Variants in PRKCE observed in about 807,000 individuals in gnomAD.
The protein encoded by PRKCE is protein kinase C epsilon.
Under a neutral mutation model 85.4 loss-of-function variants are expected in PRKCE, and 16 were observed. That is an observed-to-expected ratio of 0.19 (90% CI 0.13 to 0.28). PRKCE has a LOEUF of 0.28. PRKCE is among the 10% of genes least tolerant of loss of function. The pLI is 1.00. For synonymous variants in PRKCE, 388 were observed against 371.5 expected, an observed-to-expected ratio of 1.04 and a Z score of -0.51; for missense variants, 573 against 975.2, an observed-to-expected ratio of 0.59 and a Z score of 5.49.
At chr2:46,028,471 C>A (rs1448334143) in intron 10 of PRKCE, among the ~76,000 whole-genome samples, 5 of 152,138 alleles carry the variant, frequency 3.3e-5, no homozygotes, top group Non-Finnish European at 5.9e-5. Context: ...ATAAATTGAA[C>A]CTTTTAAACT....
At chr2:45,902,493 G>C (rs1375828449) in intron 2 of PRKCE, among the ~76,000 whole-genome samples, 2 of 152,146 alleles carry the variant, frequency 1.3e-5, no homozygotes, top group Non-Finnish European at 2.9e-5. Context: ...ACTAGCAAAA[G>C]TCAAATCAGG....
chr2:45,971,697 AAAG>A (rs1702119983), intron 2 of PRKCE, among the ~76,000 whole-genome samples: 1 of 152,392 alleles, frequency 6.6e-6, no homozygotes, highest in Admixed American at 6.5e-5. Context: ...TAGAAAATAC[AAAG>A]AAGCACAAGG....
In PRKCE at chr2:45,818,730, G is replaced by C. The variant is rs536979156; in HGVS notation, c.349-24270G>C. ...ACAGCAGTTTTAACACGAGGAGGTG[G>C]AGACCTGTTTTTGATCATTTTAATA... On this transcript the variant is annotated intron_variant, in intron 1 of 14. Coordinates refer to ENST00000306156, the MANE Select transcript of PRKCE (RefSeq NM_005400.3). Among the ~76,000 whole-genome samples, 10 of 152,318 alleles carry C rather than the reference G, an allele frequency of 6.6e-5. No homozygotes were observed. In the East Asian group the frequency reaches 1.7e-3, roughly 26 times the overall value.
chr2:45,693,668 C>T (rs1677918652), intron 1 of PRKCE, among the ~76,000 whole-genome samples: 1 of 152,112 alleles, frequency 6.6e-6, no homozygotes, highest in South Asian at 2.1e-4. Context: ...AGAAAACTCT[C>T]CACAAAGTGA....
At chr2:45,835,295 A>G (rs1558730863) in intron 1 of PRKCE, among the ~76,000 whole-genome samples, 3 of 152,238 alleles carry the variant, frequency 2.0e-5, no homozygotes, top group Non-Finnish European at 2.9e-5. Context: ...TAATTTACAT[A>G]CAATTAAGTG....
chr2:45,771,933 A>G (rs776487178), intron 1 of PRKCE, among the ~76,000 whole-genome samples: 1 of 152,116 alleles, frequency 6.6e-6, no homozygotes, highest in Non-Finnish European at 1.5e-5. Context: ...AGTCATTGCC[A>G]TGGGGCCCAA....
chr2:46,010,593 T>C, intron 10 of PRKCE, 76 bp downstream of exon 10: 1 of 1,598,824 alleles, frequency 6.3e-7, no homozygotes. Flanking sequence ...TTTTAGACCC[T>C]CTACATTGTT....
chr2:46,099,220 C>T (rs1312455292), intron 11 of PRKCE, among the ~76,000 whole-genome samples: 1 of 152,104 alleles, frequency 6.6e-6, no homozygotes. Flanking sequence ...CATAAGCTGA[C>T]CCTGCCCCTA....
rs138930368 is a variant in PRKCE at position 45,905,884 on chromosome 2, A to C, written c.412+62821A>C. On this transcript the variant is annotated intron_variant, in intron 2 of 14. Coordinates refer to ENST00000306156, the MANE Select transcript of PRKCE (RefSeq NM_005400.3). The surrounding 1 kb of genome is among the most constrained non-coding windows in gnomAD (Gnocchi z 4.4). ...TAATTTCCTTGAAGGTCTTTACTCC[A>C]AGAGGTTCCCTGGGAGGAAGGATGT... Among the ~76,000 whole-genome samples the C allele has an allele frequency of 1.9e-3, 290 of 152,324 alleles. 3 individuals are homozygous for C. The highest frequency in any genetic ancestry group is 6.8e-3 in the African/African-American group (281 of 41,570).
chr2:46,030,510 T>C (rs1406308564), intron 10 of PRKCE, among the ~76,000 whole-genome samples: 1 of 152,168 alleles, frequency 6.6e-6, no homozygotes, highest in African/African-American at 2.4e-5. Flanking sequence ...ATCATGTGGC[T>C]GTTCCACCAT....
At chr2:46,010,179 C>G (rs1368873671) in intron 9 of PRKCE, among the ~76,000 whole-genome samples, 165 bp from the exon 10 acceptor site, 1 of 152,218 alleles carries the variant, frequency 6.6e-6, no homozygotes, top group Non-Finnish European at 1.5e-5. Context: ...CCTTCTACCT[C>G]AGCCTCCCAA....
chr2:46,039,027 G>C (rs748074107), intron 10 of PRKCE, among the ~76,000 whole-genome samples: 1 of 152,152 alleles, frequency 6.6e-6, no homozygotes. Flanking sequence ...ATTTAGCGTG[G>C]TAGTAAGAAT....
At position 45,907,112 on chromosome 2, in the gene PRKCE, A is replaced by G. The variant is rs1461032650; in HGVS notation, c.412+64049A>G. Among the ~76,000 whole-genome samples, 1 of 152,220 alleles carries G rather than the reference A, an allele frequency of 6.6e-6. No individual in the cohort carries two copies. Among genetic ancestry groups the G allele is most frequent in the African/African-American group, 2.4e-5 (1 of 41,452 alleles). ...AAGGCGGTCAGAGGGTACACGCTCC[A>G]TGTTAAATTTCTGAGGAGCAAAGGT... On this transcript the variant is annotated intron_variant, in intron 2 of 14. Coordinates refer to ENST00000306156, the MANE Select transcript of PRKCE (RefSeq NM_005400.3). The surrounding 1 kb of genome is among the most constrained non-coding windows in gnomAD (Gnocchi z 4.5).
intron 1 of PRKCE, among the ~76,000 whole-genome samples, chr2:45,723,803 C>T (rs567790630): frequency 6.6e-6 from 1 of 152,286 alleles, no homozygotes; most frequent in South Asian, 2.1e-4. Context: ...TAGGGTTTCA[C>T]CATGTTGTCC....
At chr2:46,013,117 T>C (rs1424036301) in intron 10 of PRKCE, among the ~76,000 whole-genome samples, 2 of 152,236 alleles carry the variant, frequency 1.3e-5, no homozygotes, top group Non-Finnish European at 2.9e-5. Flanking sequence ...AATCATATTT[T>C]AACCTCATAG....
Position 46,089,780 on chromosome 2 carries a change from T to A in PRKCE, c.1592+3418T>A, listed in dbSNP as rs562058651. On this transcript the variant is annotated intron_variant, in intron 11 of 14. Transcript: ENST00000306156. ...TATGCTTCTCACAAAGACACCCTAC[T>A]GTTAACAGGGCCCCGATGGCCATGA... Among the ~76,000 whole-genome samples the A allele has an allele frequency of 5.8e-4, 89 of 152,148 alleles. 4 individuals carry two copies. The Middle Eastern group carries it at 0.014, about 23-fold the overall frequency.
At chr2:45,980,252 C>A (rs1702778876) in intron 4 of PRKCE, 44 bp from the exon 5 acceptor site, 2 of 1,568,174 alleles carry the variant, frequency 1.3e-6, no homozygotes, top group Non-Finnish European at 1.7e-6. Flanking sequence ...GGGACACTCC[C>A]TTTCCTGAGT....
chr2:45,766,464 C>T (rs1036637019), intron 1 of PRKCE, among the ~76,000 whole-genome samples: 1 of 152,064 alleles, frequency 6.6e-6, no homozygotes, highest in Non-Finnish European at 1.5e-5. Context: ...CCTTCTATTT[C>T]CCTTTGGGTT....
chr2:46,083,404 A>G (rs1261351463), intron 10 of PRKCE, among the ~76,000 whole-genome samples: 1 of 152,206 alleles, frequency 6.6e-6, no homozygotes, highest in African/African-American at 2.4e-5. Context: ...GTGTTGGTAG[A>G]ATAAAAAGCA....
Sources: allele counts gnomAD v4.1 joint callset (sites outside exome capture counted in the v4.1 genomes callset), GRCh38; gene constraint gnomAD v4.1.1; non-coding constraint Gnocchi (gnomAD v3.1); transcripts MANE v1.5; gene names NCBI Gene and HGNC (gene_info 2026-07-23, HGNC 2026-07-21).